ROS1: variants seen among roughly 807,000 people sequenced by gnomAD.
ROS1 encodes proto-oncogene tyrosine-protein kinase ROS.
Under a neutral mutation model 273.5 loss-of-function variants are expected in ROS1, and 263 were observed. The observed-to-expected ratio is 0.96, with a 90% confidence interval of 0.87 to 1.06. The LOEUF is 1.06. Among genes scored for constraint, ROS1 ranks in the 50% least tolerant of loss-of-function variants. The probability of loss-of-function intolerance (pLI) is 0.00; values close to 1 mark genes in which losing one functional copy is unlikely to be tolerated. For missense variants in ROS1, 2,833 were observed against 2,751.1 expected (o/e 1.03, Z -0.67); for synonymous variants, 1,008 against 954.1 (o/e 1.06, Z -1.04).
chr6:117,398,968 C>T (rs1773728144), intron 7 of ROS1, among the ~76,000 whole-genome samples: 1 of 141,836 alleles, frequency 7.1e-6, no homozygotes, highest in Admixed American at 7.0e-5. Flanking sequence ...GAGACTCTGT[C>T]TTAAAAAAAA....
At chr6:117,411,200 A>G (rs1315435090) in intron 4 of ROS1, among the ~76,000 whole-genome samples, 1 of 151,506 alleles carries the variant, frequency 6.6e-6, no homozygotes, top group Non-Finnish European at 1.5e-5. Flanking sequence ...AAAGCTAACA[A>G]CTACGTTTCC....
chr6:117,418,403 G>T, intron 2 of ROS1, 59 bp downstream of exon 2: 5 of 1,172,732 alleles, frequency 4.3e-6, no homozygotes, highest in African/African-American at 1.5e-5. Flanking sequence ...TCTGATCATT[G>T]TCCCTTCATT....
At chr6:117,407,672 A>C (rs543954471) in intron 5 of ROS1, among the ~76,000 whole-genome samples, 1 of 152,338 alleles carries the variant, frequency 6.6e-6, no homozygotes, top group Admixed American at 6.5e-5. Flanking sequence ...TGCCATCCCC[A>C]TCAAGCTACC....
chr6:117,420,503 C>T (rs2128748654), intron 1 of ROS1, among the ~76,000 whole-genome samples: 1 of 150,968 alleles, frequency 6.6e-6, no homozygotes, highest in Non-Finnish European at 1.5e-5. Context: ...ATGGGTGCAG[C>T]ACACCAACAT....
At chr6:117,291,956 AT>A (rs540864924) in intron 43 of ROS1, among the ~76,000 whole-genome samples, 246 of 147,064 alleles carry the variant, frequency 1.7e-3, no homozygotes, top group African/African-American at 5.6e-3. Context: ...CCTCTGTGAC[AT>A]TTTTTTTTTC....
chr6:117,384,771 G>C (rs755416686), intron 16 of ROS1, among the ~76,000 whole-genome samples: 3 of 152,172 alleles, frequency 2.0e-5, no homozygotes, highest in South Asian at 2.1e-4. Flanking sequence ...AGGCTGAAGG[G>C]TTGTTGTCTG....
intron 1 of ROS1, among the ~76,000 whole-genome samples, chr6:117,422,505 TA>T (rs1378203387): frequency 6.6e-6 from 1 of 152,172 alleles, no homozygotes; most frequent in African/African-American, 2.4e-5. Flanking sequence ...CCTGTAGCAA[TA>T]AAAACTATGC....
At position 117,409,575 on chromosome 6, in the gene ROS1, C is replaced by T. The variant is rs1347619822; in HGVS notation, c.316+7G>A. The T allele has an allele frequency of 3.1e-6, 5 of 1,610,842 alleles. No homozygotes were observed. The highest frequency in any genetic ancestry group is 3.3e-5 in the Admixed American group (2 of 59,930). ...CTATTTTTTAAAAGTCGTGTGTGTC[C>T]TCTTACCCAGTACTTCCTCTTCATA... On this transcript the variant is annotated splice_region_variant and intron_variant, in intron 5 of 43. Coordinates refer to ENST00000368507, the MANE Select transcript of ROS1 (RefSeq NM_001378902.1).
chr6:117,361,447 A>C (rs1779794783), intron 22 of ROS1, among the ~76,000 whole-genome samples: 1 of 149,596 alleles, frequency 6.7e-6, no homozygotes. Context: ...AGTAGTGTTT[A>C]CTTTTGTACA....
chr6:117,308,669 G>A (rs189938344), intron 42 of ROS1, 125 bp downstream of exon 42: 1 of 809,188 alleles, frequency 1.2e-6, no homozygotes, highest in East Asian at 2.7e-5. Context: ...TATTTTATGT[G>A]GGGTATACAA....
intron 7 of ROS1, among the ~76,000 whole-genome samples, chr6:117,397,608 G>A (rs947123754): frequency 9.2e-5 from 14 of 152,326 alleles, no homozygotes; most frequent in African/African-American, 3.4e-4. Flanking sequence ...CGAACAGTTG[G>A]CTTCACTTTT....
intron 1 of ROS1, 121 bp from the exon 2 acceptor site, chr6:117,418,627 G>T: frequency 1.6e-6 from 1 of 615,910 alleles, no homozygotes; most frequent in Non-Finnish European, 2.7e-6. Flanking sequence ...TAACTCTAAA[G>T]TAAAGAGCCA....
rs187674475 is a variant in ROS1 at position 117,421,400 on chromosome 6, T to C, written c.124-2894A>G. Among the ~76,000 whole-genome samples, 5 of 152,050 alleles carry C rather than the reference T, an allele frequency of 3.3e-5. No individual in the cohort carries two copies. The East Asian group carries it at 9.7e-4, about 29-fold the overall frequency. On this transcript the variant is annotated intron_variant, in intron 1 of 43. Coordinates refer to ENST00000368507, the MANE Select transcript of ROS1 (RefSeq NM_001378902.1). ...TACCCAACATGTAGTTTTTCATCCC[T>C]CACTCCTCTCCTTCCCTCCCCCTTC...
chr6:117,330,667 C>A (rs1386540097), intron 32 of ROS1, among the ~76,000 whole-genome samples: 1 of 152,080 alleles, frequency 6.6e-6, no homozygotes, highest in Non-Finnish European at 1.5e-5. Context: ...CATATCCAGG[C>A]GTGGGAGCAA....
chr6:117,288,477 T>G lies in ROS1; in HGVS notation c.*15A>C. 6.3e-7 allele frequency: 1 copy of G among 1,592,290 alleles called. No individual in the cohort carries two copies. Among genetic ancestry groups the G allele is most frequent in the East Asian group, 2.2e-5 (1 of 44,752 alleles). On this transcript the variant is annotated 3_prime_UTR_variant, in exon 44 of 44. Transcript: ENST00000368507. ...AGAGTGTTTATCTCAACTCTCTATT[T>G]CCCAAACAACGCTATTAATCAGACC...
In ROS1 at chr6:117,404,443, A is replaced by G. The variant is rs768654909; in HGVS notation, c.317-15T>C. 1 of 1,612,106 alleles carries G rather than the reference A, an allele frequency of 6.2e-7. No homozygotes were observed. On this transcript the variant is annotated splice_polypyrimidine_tract_variant and intron_variant, in intron 5 of 43. Coordinates refer to ENST00000368507, the MANE Select transcript of ROS1 (RefSeq NM_001378902.1). Reference sequence around the variant, plus strand: ...GTCTGCATTTTCTGGGGAAAAAACAAGATTTCACTCACCACGCACTCCTGT... The same window carrying G: ...GTCTGCATTTTCTGGGGAAAAAACAGGATTTCACTCACCACGCACTCCTGT...
Position 117,341,272 on chromosome 6 carries a change from T to A in ROS1, c.4924A>T (p.Ser1642Cys), listed in dbSNP as rs764420063. ...AACATTTCCACAGTGACAGGATGAC[T>A]CTCTGTACACCACATTTCCTCAGAG... is the stretch of plus-strand genomic sequence containing the variant. Reference protein sequence around the residue: ...CHSEEMWCTESHPVTVEMFNT... With the variant: ...CHSEEMWCTECHPVTVEMFNT... Residue 1642 changes from serine to cysteine, a missense_variant, in exon 31 of 44, where the codon AGT (serine) becomes TGT (cysteine). Transcript: ENST00000368507. 1 of 1,613,634 alleles carries A rather than the reference T, an allele frequency of 6.2e-7. No homozygotes were observed.
At chr6:117,356,389 A>G (rs1779304984) in intron 26 of ROS1, among the ~76,000 whole-genome samples, 1 of 152,246 alleles carries the variant, frequency 6.6e-6, no homozygotes, top group Non-Finnish European at 1.5e-5. Flanking sequence ...TAAGCTCATT[A>G]AATTGTAGCT....
intron 32 of ROS1, among the ~76,000 whole-genome samples, chr6:117,333,805 TA>T (rs1177106220): frequency 4.6e-5 from 7 of 152,310 alleles, no homozygotes; most frequent in African/African-American, 1.7e-4. Flanking sequence ...CCCTTTATGT[TA>T]AAAACTCTCA....
Sources: gnomAD v4.1 joint callset for allele counts (sites outside exome capture counted in the v4.1 genomes callset) on GRCh38, gnomAD v4.1.1 for gene constraint, MANE v1.5 for transcripts, NCBI Gene and HGNC (gene_info 2026-07-23, HGNC 2026-07-21) for gene names.